Variants in ELF4 observed in about 807,000 individuals in gnomAD.
The protein encoded by ELF4 is ETS-related transcription factor Elf-4.
In ELF4, 10 loss-of-function variants were observed where a neutral mutation model predicts 31.7. That is an observed-to-expected ratio of 0.32 (90% CI 0.19 to 0.54). The LOEUF is 0.54. Ranked by LOEUF, ELF4 falls within the 20% of genes least tolerant of loss-of-function variation. The probability of loss-of-function intolerance (pLI) is 0.95; values close to 1 mark genes in which losing one functional copy is unlikely to be tolerated. For missense variants in ELF4, 418 were observed against 522.0 expected, an observed-to-expected ratio of 0.80 and a Z score of 1.94; for synonymous variants, 208 against 226.7, an observed-to-expected ratio of 0.92 and a Z score of 0.74.
Position 130,106,472 on chromosome X carries a change from G to A in ELF4, c.-210+3853C>T, listed in dbSNP as rs769944053. On this transcript the variant is annotated intron_variant, in intron 1 of 8. Transcript: ENST00000308167. ...AGGTCAGAACCCTCATAAGCACCCC[G>A]ACCAGCAGTTTCTTGGCAACCAGCA... Among the ~76,000 whole-genome samples, 6 of 111,396 alleles carry A rather than the reference G, an allele frequency of 5.4e-5. No homozygotes were observed. The South Asian group carries it at 1.9e-3, about 35-fold the overall frequency.
chrX:130,109,091 C>A (rs1449987825), intron 1 of ELF4, among the ~76,000 whole-genome samples: 3 of 112,820 alleles, frequency 2.7e-5, no homozygotes, highest in Non-Finnish European at 5.6e-5. Context: ...GTTCCCCGGG[C>A]ATTTTCAGTG....
rs1353140258 is a variant in ELF4 at position 130,063,978 on chromosome X, A to ATTATTG, written c.*2742_*2743insCAATAA. On this transcript the variant is annotated 3_prime_UTR_variant, in exon 9 of 9. Transcript: ENST00000308167. ...CCTTTTTGTTTGCTTGATTTTTATT[A>ATTATTG]TTATTATTATTATTATTATTATTAT... Among the ~76,000 whole-genome samples, 1 of 86,151 alleles carries ATTATTG rather than the reference A, an allele frequency of 1.2e-5. No homozygotes were observed. The highest frequency in any genetic ancestry group is 5.8e-5 in the African/African-American group (1 of 17,222). The allele number at this position is 86,151 out of a possible 115,157, so 74.8% of individuals were successfully genotyped here.
chrX:130,069,569 G>C lies in ELF4; in HGVS notation c.918C>G (p.Ser306Arg). The change falls in exon 8 of 9, where the codon AGC (serine) becomes AGG (arginine). Residue 306 changes from serine (S) to arginine (R), a missense_variant. This residue lies in a region of ELF4 where 35 missense variants were observed against 84.0 expected (regional missense o/e 0.42). Coordinates refer to ENST00000308167, the MANE Select transcript of ELF4 (RefSeq NM_001421.4). ...DLVVIEDEDE[S>R]SEATAAPPQA... Reference sequence around the variant, plus strand: ...GAGGTGGGGCTGCTGTGGCTTCGCTGCTCTCATCCTCATCTTCAATGACCA... The same window carrying C: ...GAGGTGGGGCTGCTGTGGCTTCGCTCCTCTCATCCTCATCTTCAATGACCA... 1.2e-5 allele frequency: 14 copies of C among 1,210,799 alleles called. No homozygotes were observed. The highest frequency in any genetic ancestry group is 1.6e-5 in the Non-Finnish European group (14 of 894,448).
In ELF4 at chrX:130,067,021, C is replaced by G; in HGVS notation, c.1692G>C (p.Glu564Asp). The G allele has an allele frequency of 8.2e-7, 1 of 1,212,364 alleles. No individual in the cohort carries two copies. The highest frequency in any genetic ancestry group is 1.8e-5 in the South Asian group (1 of 57,042). ...APMEGLLVPE[E>D]TLRELLRDQA... ...GATCTCTCAGGAGCTCCCTCAGGGT[C>G]TCTTCAGGAACCAGCAGCCCCTCCA... The change falls in exon 9 of 9, where the codon GAG (glutamate) becomes GAC (aspartate). Residue 564 changes from glutamate to aspartate, a missense_variant. Coordinates refer to ENST00000308167, the MANE Select transcript of ELF4 (RefSeq NM_001421.4).
rs762897114 is a variant in ELF4 at position 130,066,712 on chromosome X, C to T, written c.*9G>A. On this transcript the variant is annotated 3_prime_UTR_variant, in exon 9 of 9. Coordinates refer to ENST00000308167, the MANE Select transcript of ELF4 (RefSeq NM_001421.4). ...GCCTGGTGGGTCACACTTGCCCTGACCCCTTTGCTTATATGTCATGGGGCT... is the reference window on the plus strand; with the variant it reads ...GCCTGGTGGGTCACACTTGCCCTGATCCCTTTGCTTATATGTCATGGGGCT... 1.1e-5 allele frequency: 13 copies of T among 1,209,532 alleles called. No homozygotes were observed. The highest frequency in any genetic ancestry group is 8.7e-5 in the Admixed American group (4 of 45,974).
At chrX:130,088,304 C>G (rs1932993773) in intron 1 of ELF4, among the ~76,000 whole-genome samples, 1 of 45 alleles carries the variant, frequency 0.022, no homozygotes, top group African/African-American at 0.14. Context: ...GGTAGGGTAG[C>G]TGGAACCAGG....
intron 1 of ELF4, among the ~76,000 whole-genome samples, chrX:130,109,659 C>T (rs754394779): frequency 1.8e-5 from 2 of 112,032 alleles, no homozygotes; most frequent in African/African-American, 3.2e-5. Context: ...ATTCATAAAG[C>T]GGTCACCGCC....
In ELF4 at chrX:130,068,682, C is replaced by T. The variant is rs760685276; in HGVS notation, c.1187+618G>A. Among the ~76,000 whole-genome samples, 4 of 112,748 alleles carry T rather than the reference C, an allele frequency of 3.5e-5. No individual in the cohort carries two copies. In the South Asian group the frequency reaches 1.4e-3, roughly 40 times the overall value. On this transcript the variant is annotated intron_variant, in intron 8 of 8. Transcript: ENST00000308167. ...GGGTGGGCCTGGAGGTCCCAAGGGG[C>T]TCACAGCAGGCAGCTCTAAAACATT...
intron 1 of ELF4, among the ~76,000 whole-genome samples, chrX:130,081,954 G>A (rs1603204382): frequency 8.9e-6 from 1 of 112,151 alleles, no homozygotes; most frequent in Middle Eastern, 4.6e-3. Flanking sequence ...CCTCGTGGAC[G>A]AGGCAGCAGC....
At chrX:130,072,111 C>T (rs1603199428) in intron 5 of ELF4, 115 bp downstream of exon 5, 11 of 943,533 alleles carry the variant, frequency 1.2e-5, no homozygotes, top group Admixed American at 2.3e-5. Context: ...GCCTTTTGGT[C>T]CATCTCTGTC....
chrX:130,064,128 C>T lies in ELF4; in HGVS notation c.*2593G>A, dbSNP rs1001477282. Among the ~76,000 whole-genome samples the T allele has an allele frequency of 6.4e-5, 7 of 109,818 alleles. No homozygotes were observed. Among genetic ancestry groups the T allele is most frequent in the Non-Finnish European group, 1.1e-4 (6 of 52,686 alleles). On this transcript the variant is annotated 3_prime_UTR_variant, in exon 9 of 9. Transcript: ENST00000308167. Reference sequence around the variant, plus strand: ...TCATCTTGGAAAGGTTTTTTGTGAGCGTGGAAATAATTTAAAAATCCATTG... The same window carrying T: ...TCATCTTGGAAAGGTTTTTTGTGAGTGTGGAAATAATTTAAAAATCCATTG...
chrX:130,100,787 G>A (rs548230531), intron 1 of ELF4, among the ~76,000 whole-genome samples: 2 of 111,797 alleles, frequency 1.8e-5, no homozygotes, highest in East Asian at 2.8e-4. Flanking sequence ...TAAAATCCAC[G>A]GGATCAAAGC....
At position 130,071,422 on chromosome X, in the gene ELF4, A is replaced by ATGAGGG. The variant is rs948193457; in HGVS notation, c.533-9_533-4dup. On this transcript the variant is annotated splice_polypyrimidine_tract_variant and splice_region_variant and intron_variant, in intron 5 of 8. Coordinates refer to ENST00000308167, the MANE Select transcript of ELF4 (RefSeq NM_001421.4). ...TCGGTTGCCCTTGGTCTTCCGGACT[A>ATGAGGG]TGAGGGAAAGGTGAGTAGGATGAGG... 3 of 1,208,821 alleles carry ATGAGGG rather than the reference A, an allele frequency of 2.5e-6. No homozygotes were observed. The African/African-American group carries it at 5.2e-5, about 21-fold the overall frequency.
chrX:130,097,491 G>C (rs1400659563), intron 1 of ELF4, among the ~76,000 whole-genome samples: 1 of 111,920 alleles, frequency 8.9e-6, no homozygotes, highest in Non-Finnish European at 1.9e-5. Flanking sequence ...AGCACTGTAA[G>C]GCAGAATAGA....
intron 5 of ELF4, 61 bp downstream of exon 5, chrX:130,072,165 G>GCCCCCCCCCCC: frequency 9.1e-7 from 1 of 1,097,884 alleles, no homozygotes; most frequent in Non-Finnish European, 1.3e-6. Context: ...AGCCCTGACC[G>GCCCCCCCCCCC]CCCCCCCACG....
rs910807453 is a variant in ELF4, at chrX:130,072,412, T to C, written c.346A>G (p.Thr116Ala). Residue 116 changes from threonine to alanine, a missense_variant, in exon 5 of 9, where the codon ACC becomes GCC. Coordinates refer to ENST00000308167, the MANE Select transcript of ELF4 (RefSeq NM_001421.4). ...DILDEKQIFSTSEMLPDSDPA... is the reference protein window; with the variant it reads ...DILDEKQIFSASEMLPDSDPA... The stretch of plus-strand genomic sequence containing the variant: ...TCCGAGTCTGGAAGCATTTCGGAGG[T>C]ACTGACTGCAAGAAGAAAGACCTGA... The C allele has an allele frequency of 6.6e-6, 8 of 1,209,179 alleles. No individual in the cohort carries two copies. In the African/African-American group the frequency reaches 1.4e-4, roughly 21 times the overall value.
At position 130,074,765 on chromosome X, in the gene ELF4, C is replaced by T; in HGVS notation, c.76-13G>A. 1.7e-6 allele frequency: 2 copies of T among 1,210,884 alleles called. No individual in the cohort carries two copies. Among genetic ancestry groups the T allele is most frequent in the Non-Finnish European group, 1.1e-6 (1 of 895,134 alleles). ...AGGGGTCTTCCAGCTATGGAGAAGA[C>T]AGGGATGTGATTCAAGACCCACCCA... On this transcript the variant is annotated splice_polypyrimidine_tract_variant and intron_variant, in intron 2 of 8. Transcript: ENST00000308167.
intron 1 of ELF4, among the ~76,000 whole-genome samples, chrX:130,082,792 C>G (rs1397186636): frequency 1.8e-5 from 2 of 111,222 alleles, no homozygotes; most frequent in Non-Finnish European, 3.8e-5. Context: ...CCAGGCGCCA[C>G]GTCTTTGGTC....
At chrX:130,096,185 G>A (rs149746772) in intron 1 of ELF4, among the ~76,000 whole-genome samples, 1,326 of 110,346 alleles carry the variant, frequency 0.012, 22 homozygotes, top group African/African-American at 0.041. Flanking sequence ...GTTTTTTTTT[G>A]TTTTGTTTTG....
Sources: allele counts gnomAD v4.1 joint callset (sites outside exome capture counted in the v4.1 genomes callset), GRCh38; gene constraint gnomAD v4.1.1; regional missense constraint gnomAD v4.1.1; transcripts MANE v1.5; gene names NCBI Gene and HGNC (gene_info 2026-07-23, HGNC 2026-07-21).